Variants in AFF1 observed in about 807,000 individuals in gnomAD.
The protein encoded by AFF1 is AF4/FMR2 family member 1.
AFF1 carries 48 observed loss-of-function variants against 121.7 expected under a neutral mutation model. The observed-to-expected ratio is 0.39, with a 90% CI of 0.31 to 0.50. The LOEUF (loss-of-function observed/expected upper bound fraction) is 0.50, where lower values mean the gene tolerates loss of function less well. AFF1 is among the 20% of genes least tolerant of loss of function. AFF1 has a pLI of 0.76. For synonymous variants in AFF1, 613 were observed against 563.0 expected (o/e 1.09, Z -1.26); for missense variants, 1,523 against 1,511.7 (o/e 1.01, Z -0.12).
chr4:87,134,761 A>T (rs1578330434), intron 20 of AFF1, 67 bp downstream of exon 20: 1 of 1,332,450 alleles, frequency 7.5e-7, no homozygotes, highest in East Asian at 2.3e-5. Context: ...ACATTGGTTT[A>T]TATTTTATAA....
chr4:87,088,605 A>AT (rs11296813), intron 5 of AFF1, among the ~76,000 whole-genome samples: 49 of 149,802 alleles, frequency 3.3e-4, no homozygotes, highest in East Asian at 3.2e-3. Context: ...TTGTATGTCA[A>AT]TTTTTTTTTT....
chr4:87,072,174 T>C (rs560382347), intron 4 of AFF1, among the ~76,000 whole-genome samples: 1 of 152,156 alleles, frequency 6.6e-6, no homozygotes, highest in South Asian at 2.1e-4. Context: ...CCATCCTGGC[T>C]AACACGGTGA....
At chr4:87,084,568 A>G (rs1723515986) in intron 5 of AFF1, among the ~76,000 whole-genome samples, 1 of 143,928 alleles carries the variant, frequency 6.9e-6, no homozygotes, top group Non-Finnish European at 1.5e-5. Context: ...AAATAAATAA[A>G]TAAATAAATA....
intron 11 of AFF1, among the ~76,000 whole-genome samples, chr4:87,111,884 C>T (rs558115069): frequency 1.2e-4 from 18 of 152,254 alleles, no homozygotes; most frequent in Middle Eastern, 6.8e-3. Flanking sequence ...TTTCTGTAAT[C>T]AGGACGTTCC....
chr4:86,982,747 C>T (rs1474804587), intron 2 of AFF1, among the ~76,000 whole-genome samples: 1 of 146,252 alleles, frequency 6.8e-6, no homozygotes, highest in African/African-American at 2.5e-5. Flanking sequence ...CCTCTGGAGG[C>T]TGAGGCAGGA....
At chr4:87,036,685 A>C in intron 2 of AFF1, 1 of 348,766 alleles carries the variant, frequency 2.9e-6, no homozygotes, top group South Asian at 2.1e-5. Context: ...AATACCTCTC[A>C]AAATAGACTT....
In AFF1 at chr4:87,047,278, G is replaced by T. The variant is rs1484673671; in HGVS notation, c.743G>T (p.Cys248Phe). ...AGCAGCAATAACAGTAAAGGCTATT[G>T]CCCAGCCAAATCTCCCAAGGACCTA... Reference protein sequence around the residue: ...HGSSNNSKGYCPAKSPKDLAV... With the variant: ...HGSSNNSKGYFPAKSPKDLAV... Residue 248 changes from cysteine to phenylalanine, a missense_variant, in exon 4 of 21, where the codon TGC becomes TTC. Physicochemically the swap from Cys to Phe is radical, Grantham distance 205 (BLOSUM62 -2). This residue lies in a region of AFF1 where 369 missense variants were observed against 367.2 expected (regional missense o/e 1.00). Transcript: ENST00000395146. 6.2e-7 allele frequency: 1 copy of T among 1,614,134 alleles called. No homozygotes were observed. Among genetic ancestry groups the T allele is most frequent in the South Asian group, 1.1e-5 (1 of 91,078 alleles).
chr4:86,944,229 A>T lies in AFF1; in HGVS notation c.-36-4269A>T, dbSNP rs143146872. ...GCCAGCCAAAAAAATAACTAGAACAACCACTATCATTTATTGAATGTTTAC... is the reference window on the plus strand; with the variant it reads ...GCCAGCCAAAAAAATAACTAGAACATCCACTATCATTTATTGAATGTTTAC... On this transcript the variant is annotated intron_variant, in intron 1 of 20. Coordinates refer to ENST00000395146, the MANE Select transcript of AFF1 (RefSeq NM_001166693.3). 2.8e-4 allele frequency among the ~76,000 whole-genome samples: 43 copies of T among 152,012 alleles called. No individual in the cohort carries two copies. In the East Asian group the frequency reaches 6.8e-3, roughly 24 times the overall value.
At chr4:87,028,349 T>C (rs1728738486) in intron 2 of AFF1, among the ~76,000 whole-genome samples, 1 of 152,190 alleles carries the variant, frequency 6.6e-6, no homozygotes, top group South Asian at 2.1e-4. Flanking sequence ...GGCACAAATT[T>C]TAAGTGTACT....
At chr4:87,012,525 A>G (rs551453936) in intron 2 of AFF1, among the ~76,000 whole-genome samples, 1 of 152,318 alleles carries the variant, frequency 6.6e-6, no homozygotes, top group Admixed American at 6.5e-5. Flanking sequence ...TTTACGGGTT[A>G]AATGATTACC....
chr4:87,123,105 A>G (rs1352583450), intron 12 of AFF1, among the ~76,000 whole-genome samples: 4 of 151,922 alleles, frequency 2.6e-5, no homozygotes. Context: ...TGTTGGCCAG[A>G]CTGGTCTTGA....
chr4:87,055,046 C>T (rs920789169), intron 4 of AFF1, among the ~76,000 whole-genome samples: 2 of 152,166 alleles, frequency 1.3e-5, no homozygotes, highest in African/African-American at 4.8e-5. Context: ...AGCACGATCA[C>T]AGCTCACTTC....
chr4:87,078,636 A>G (rs1366020972), intron 4 of AFF1, among the ~76,000 whole-genome samples: 1 of 152,204 alleles, frequency 6.6e-6, no homozygotes, highest in Non-Finnish European at 1.5e-5. Flanking sequence ...ACACAGATGG[A>G]AGAGAGAAGA....
At chr4:87,088,942 T>C (rs187839744) in intron 5 of AFF1, among the ~76,000 whole-genome samples, 126 of 152,180 alleles carry the variant, frequency 8.3e-4, no homozygotes, top group African/African-American at 3.0e-3. Context: ...ATGGGGTTTT[T>C]CCATGTTGGT....
At chr4:86,940,899 C>T (rs1578810970) in intron 1 of AFF1, among the ~76,000 whole-genome samples, 1 of 151,036 alleles carries the variant, frequency 6.6e-6, no homozygotes, top group South Asian at 2.1e-4. Context: ...ACCAGCTTAG[C>T]CAACATGGTG....
At chr4:87,103,737 G>A (rs1441919576) in intron 8 of AFF1, among the ~76,000 whole-genome samples, 2 of 152,182 alleles carry the variant, frequency 1.3e-5, no homozygotes, top group Admixed American at 1.3e-4. Context: ...TTAGATGTTT[G>A]GTAGCTAGAA....
Position 87,138,995 on chromosome 4 carries a change from C to T in AFF1, c.*3294C>T, listed in dbSNP as rs1456629917. 1 of 224,942 alleles carries T rather than the reference C, an allele frequency of 4.4e-6. No individual in the cohort carries two copies. The highest frequency in any genetic ancestry group is 5.7e-5 in the Admixed American group (1 of 17,466). 13.9% of individuals were successfully genotyped at this position (224,942 alleles called of 1,614,324 possible). A position where few individuals can be genotyped will look rare whatever the true frequency, so the allele number is the denominator to read the frequency against. On this transcript the variant is annotated 3_prime_UTR_variant, in exon 21 of 21. Transcript: ENST00000395146. ...GCTGAAAACTTGCCTTATTTGGTAT[C>T]TTACACATTAATGTTACTAGCATCA...
At position 87,047,060 on chromosome 4, in the gene AFF1, G is replaced by A. The variant is rs767750866; in HGVS notation, c.525G>A (p.Gly175=). The A allele has an allele frequency of 3.7e-6, 6 of 1,614,042 alleles. No individual in the cohort carries two copies. Among genetic ancestry groups the A allele is most frequent in the Non-Finnish European group, 5.1e-6 (6 of 1,180,034 alleles). ...HLTQDRLGQE[G]FGSSHHKKGD... is the part of the protein sequence containing the mutation. ...CCCAGGATCGCCTTGGTCAGGAGGG[G>A]TTCGGCTCTAGTCATCACAAGAAAG... The change falls in exon 4 of 21, where the codon GGG becomes GGA. Residue 175 remains glycine, a synonymous_variant. Coordinates refer to ENST00000395146, the MANE Select transcript of AFF1 (RefSeq NM_001166693.3).
intron 3 of AFF1, 28 bp from the exon 4 acceptor site, chr4:87,046,667 T>TC (rs763282961): frequency 1.2e-5 from 19 of 1,574,340 alleles, no homozygotes; most frequent in East Asian, 2.3e-5. Context: ...TAGTTTTTTT[T>TC]CATTCTCAAA....
Sources: gnomAD v4.1 joint callset for allele counts (sites outside exome capture counted in the v4.1 genomes callset) on GRCh38, gnomAD v4.1.1 for gene constraint, gnomAD v4.1.1 regional missense constraint, MANE v1.5 for transcripts, NCBI Gene and HGNC (gene_info 2026-07-23, HGNC 2026-07-21) for gene names.